The following WWOX variants were observed in gnomAD, a reference collection of about 807,000 sequenced individuals.
WWOX encodes WW domain-containing oxidoreductase.
WWOX carries 69 observed loss-of-function variants against 46.2 expected under a neutral mutation model. The ratio of observed to expected loss-of-function variants is 1.49; its 90% CI spans 1.23 to 1.82. WWOX has a LOEUF of 1.82. Ranked by LOEUF, WWOX falls within the 40% of genes most tolerant of loss-of-function variation. The pLI is 0.00. For missense variants in WWOX, 919 were observed against 542.6 expected (o/e 1.69, Z -6.89); for synonymous variants, 359 against 202.6 (o/e 1.77, Z -6.56).
intron 8 of WWOX, among the ~76,000 whole-genome samples, chr16:78,790,532 C>T (rs1048456996): frequency 8.5e-5 from 13 of 152,284 alleles, no homozygotes; most frequent in African/African-American, 2.6e-4. Flanking sequence ...CCAAAAGAGA[C>T]CAGTATCTAC....
At chr16:79,083,373 C>G (rs865945971) in intron 8 of WWOX, among the ~76,000 whole-genome samples, 1 of 152,206 alleles carries the variant, frequency 6.6e-6, no homozygotes. Flanking sequence ...AAACCCATGT[C>G]TTCCTCCTGG....
intron 8 of WWOX, among the ~76,000 whole-genome samples, chr16:79,195,573 C>T (rs1350134251): frequency 1.3e-5 from 2 of 152,170 alleles, no homozygotes; most frequent in African/African-American, 2.4e-5. Context: ...GTTTCTTGGG[C>T]TTGCTCTGAA....
chr16:78,202,370 A>T (rs532552432), intron 5 of WWOX, among the ~76,000 whole-genome samples: 12 of 152,330 alleles, frequency 7.9e-5, no homozygotes, highest in African/African-American at 2.6e-4. Context: ...TTCCTTTTCC[A>T]GGTACGTAGC....
intron 8 of WWOX, among the ~76,000 whole-genome samples, chr16:78,814,272 T>C (rs1021353658): frequency 6.6e-6 from 1 of 152,216 alleles, no homozygotes. Context: ...AATTTTTATT[T>C]CCCCTTCCCC....
At chr16:78,367,247 G>A (rs2081557209) in intron 5 of WWOX, among the ~76,000 whole-genome samples, 1 of 151,992 alleles carries the variant, frequency 6.6e-6, no homozygotes, top group African/African-American at 2.4e-5. Context: ...CCAAAGTGCT[G>A]GGATTACAGG....
At position 78,344,443 on chromosome 16, in the gene WWOX, C is replaced by T. The variant is rs563955147; in HGVS notation, c.517-42417C>T. Reference sequence around the variant, plus strand: ...TCCAGCAAGGAAGATGGAATTACCACGAGGAACCTGTTCTCTTATGTTTCT... The same window carrying T: ...TCCAGCAAGGAAGATGGAATTACCATGAGGAACCTGTTCTCTTATGTTTCT... On this transcript the variant is annotated intron_variant, in intron 5 of 8. Transcript: ENST00000566780. 3.6e-4 allele frequency among the ~76,000 whole-genome samples: 44 copies of T among 121,738 alleles called. 9 individuals are homozygous for T. Among genetic ancestry groups the T allele is most frequent in the African/African-American group, 1.2e-3 (43 of 36,018 alleles). 79.9% of individuals were successfully genotyped at this position (121,738 alleles called of 152,430 possible).
chr16:78,132,181 C>G (rs993921054), intron 4 of WWOX, among the ~76,000 whole-genome samples: 1 of 151,648 alleles, frequency 6.6e-6, no homozygotes, highest in African/African-American at 2.4e-5. Flanking sequence ...CCCGCCACCA[C>G]GCCCGGCTAA....
intron 8 of WWOX, chr16:79,004,397 G>A (rs1221414315): frequency 1.3e-5 from 2 of 152,174 alleles, no homozygotes; most frequent in African/African-American, 2.4e-5. Flanking sequence ...ATTTTCCATT[G>A]GCCCTGGAGT....
rs80326393 is a variant in WWOX at position 79,191,367 on chromosome 16, T to C, written c.1057-20241T>C. ...CAGCGCGCCCAGCCCATGACTTCTCTTTATGGGAGAGAAAGGCCACCGAGA... is the reference window on the plus strand; with the variant it reads ...CAGCGCGCCCAGCCCATGACTTCTCCTTATGGGAGAGAAAGGCCACCGAGA... On this transcript the variant is annotated intron_variant, in intron 8 of 8. Transcript: ENST00000566780. Among the ~76,000 whole-genome samples the C allele has an allele frequency of 2.3e-3, 351 of 152,276 alleles. 4 individuals carry two copies. Among genetic ancestry groups the C allele is most frequent in the East Asian group, 0.019 (96 of 5,184 alleles).
intron 6 of WWOX, among the ~76,000 whole-genome samples, chr16:78,404,801 A>G (rs991692394): frequency 6.6e-6 from 1 of 152,178 alleles, no homozygotes; most frequent in Non-Finnish European, 1.5e-5. Flanking sequence ...TTGATTGTCC[A>G]TTTTATTAAA....
intron 8 of WWOX, among the ~76,000 whole-genome samples, chr16:78,758,628 C>T (rs756218231): frequency 6.6e-6 from 1 of 152,148 alleles, no homozygotes. Context: ...TTGTCCTTCC[C>T]GTTCTACAGC....
chr16:78,906,013 G>A (rs2044953819), intron 8 of WWOX, among the ~76,000 whole-genome samples: 1 of 152,158 alleles, frequency 6.6e-6, no homozygotes, highest in Admixed American at 6.5e-5. Context: ...AGTATTTTTG[G>A]GATGAATGCA....
At chr16:78,742,733 T>C (rs570853527) in intron 8 of WWOX, among the ~76,000 whole-genome samples, 1 of 152,290 alleles carries the variant, frequency 6.6e-6, no homozygotes, top group African/African-American at 2.4e-5. Context: ...CACAGTTTTG[T>C]TTTCACTTTG....
At chr16:78,284,823 C>G (rs1027983762) in intron 5 of WWOX, among the ~76,000 whole-genome samples, 1 of 152,162 alleles carries the variant, frequency 6.6e-6, no homozygotes, top group African/African-American at 2.4e-5. Flanking sequence ...CAGCTTTTTC[C>G]TTTATCTGTT....
At chr16:78,194,499 AATT>A (rs2035985082) in intron 5 of WWOX, among the ~76,000 whole-genome samples, 1 of 149,954 alleles carries the variant, frequency 6.7e-6, no homozygotes, top group Non-Finnish European at 1.5e-5. Flanking sequence ...GAGGTGGGAG[AATT>A]GCTTGAGCCT....
intron 8 of WWOX, among the ~76,000 whole-genome samples, chr16:79,080,141 C>T (rs2048732795): frequency 6.6e-6 from 1 of 152,028 alleles, no homozygotes; most frequent in Non-Finnish European, 1.5e-5. Context: ...GTTAGGGAGC[C>T]AAGGAGGAAG....
intron 8 of WWOX, among the ~76,000 whole-genome samples, chr16:78,702,968 G>A (rs1007236178): frequency 4.6e-5 from 7 of 152,134 alleles, no homozygotes; most frequent in Non-Finnish European, 1.0e-4. Flanking sequence ...ACTTGCTCTT[G>A]TAGATCATCA....
rs74627075 is a variant in WWOX at position 78,602,886 on chromosome 16, C to G, written c.1056+170134C>G. On this transcript the variant is annotated intron_variant, in intron 8 of 8. Transcript: ENST00000566780. ...TGAGTAATTTTTGCCAATCCTGAGA[C>G]TTGAATCTCCGCTCTGTCTTCTGCA... Among the ~76,000 whole-genome samples, 112 of 152,262 alleles carry G rather than the reference C, an allele frequency of 7.4e-4. No homozygotes were observed. In the East Asian group the frequency reaches 0.02, roughly 27 times the overall value.
intron 8 of WWOX, among the ~76,000 whole-genome samples, chr16:78,443,829 C>T (rs1246134699): frequency 1.3e-5 from 2 of 151,904 alleles, no homozygotes; most frequent in South Asian, 2.1e-4. Flanking sequence ...CTTCTTTGAT[C>T]CTCCCCTCTT....
Sources: gnomAD v4.1 joint callset for allele counts (sites outside exome capture counted in the v4.1 genomes callset) on GRCh38, gnomAD v4.1.1 for gene constraint, MANE v1.5 for transcripts, NCBI Gene and HGNC (gene_info 2026-07-23, HGNC 2026-07-21) for gene names.